The following LRRIQ1 variants were observed in gnomAD, a reference collection of about 807,000 sequenced individuals.
LRRIQ1 encodes the protein leucine rich repeats and IQ motif containing 1, also known as leucine-rich repeat- and IQ domain-containing protein 1.
LRRIQ1 carries 210 observed loss-of-function variants against 211.9 expected under a neutral mutation model. The observed-to-expected ratio is 0.99, with a 90% confidence interval of 0.89 to 1.11. The LOEUF is 1.11. Ranked by LOEUF, LRRIQ1 falls within the 50% of genes most tolerant of loss-of-function variation. The pLI is 0.00. For synonymous variants in LRRIQ1, 699 were observed against 650.1 expected, an observed-to-expected ratio of 1.08 and a Z score of -1.14; for missense variants, 2,136 against 1,939.5, an observed-to-expected ratio of 1.10 and a Z score of -1.90.
intron 11 of LRRIQ1, among the ~76,000 whole-genome samples, chr12:85,080,070 C>T (rs185850196): frequency 6.6e-6 from 1 of 152,144 alleles, no homozygotes; most frequent in East Asian, 1.9e-4. Flanking sequence ...TACACACGCG[C>T]ACACACGTAC....
At chr12:85,148,092 C>A (rs891134767) in intron 19 of LRRIQ1, among the ~76,000 whole-genome samples, 2 of 151,694 alleles carry the variant, frequency 1.3e-5, no homozygotes, top group African/African-American at 4.8e-5. Context: ...GATAATAATT[C>A]TCAAGTAGCT....
intron 11 of LRRIQ1, among the ~76,000 whole-genome samples, chr12:85,090,215 T>A (rs1885242360): frequency 6.6e-6 from 1 of 152,170 alleles, no homozygotes; most frequent in Non-Finnish European, 1.5e-5. Context: ...TATCAGAGGA[T>A]GTATGGAAAA....
intron 24 of LRRIQ1, among the ~76,000 whole-genome samples, chr12:85,197,008 G>C (rs1329990428): frequency 6.6e-6 from 1 of 150,766 alleles, no homozygotes; most frequent in African/African-American, 2.4e-5. Flanking sequence ...CCATCAAAAA[G>C]TGGGCGAAGG....
chr12:85,049,532 C>T (rs1487400825), intron 6 of LRRIQ1, among the ~76,000 whole-genome samples: 2 of 152,104 alleles, frequency 1.3e-5, no homozygotes, highest in African/African-American at 4.8e-5. Context: ...CTATCATCTT[C>T]CTCCTTTTTT....
At chr12:85,257,657 A>G (rs1202178723) in intron 1 of LRRIQ1, among the ~76,000 whole-genome samples, 2 of 151,810 alleles carry the variant, frequency 1.3e-5, no homozygotes, top group African/African-American at 2.4e-5. Flanking sequence ...GTAGTTATCA[A>G]TGGAAAGATG....
chr12:85,135,117 A>G (rs1239008191), intron 18 of LRRIQ1, among the ~76,000 whole-genome samples: 1 of 151,990 alleles, frequency 6.6e-6, no homozygotes, highest in Non-Finnish European at 1.5e-5. Context: ...AAACTTTTAT[A>G]TGTTAAGTCT....
intron 15 of LRRIQ1, among the ~76,000 whole-genome samples, chr12:85,112,097 A>G (rs1356003787): frequency 6.6e-6 from 1 of 152,022 alleles, no homozygotes; most frequent in Non-Finnish European, 1.5e-5. Context: ...CTAAAAAATG[A>G]TTTCTAAAAA....
At chr12:85,153,327 T>G (rs1303820239) in intron 21 of LRRIQ1, among the ~76,000 whole-genome samples, 182 bp downstream of exon 21, 2 of 151,542 alleles carry the variant, frequency 1.3e-5, no homozygotes, top group African/African-American at 4.8e-5. Context: ...ATGAAGTAGG[T>G]ACATTAAAGC....
rs149099698 is a variant in LRRIQ1 at position 85,214,452 on chromosome 12, A to G, written c.4823-15065A>G. Among the ~76,000 whole-genome samples the G allele has an allele frequency of 5.3e-5, 8 of 152,274 alleles. No individual in the cohort carries two copies. The East Asian group carries it at 1.4e-3, about 26-fold the overall frequency. On this transcript the variant is annotated intron_variant, in intron 24 of 26. Transcript: ENST00000393217. ...ACCATATCAAACACCACAACTTATT[A>G]TAAAACTGCATCATATAAGACAGTG...
intron 24 of LRRIQ1, among the ~76,000 whole-genome samples, chr12:85,198,971 G>C (rs1893158315): frequency 6.6e-6 from 1 of 152,016 alleles, no homozygotes; most frequent in African/African-American, 2.4e-5. Context: ...TGTTTGTTTT[G>C]TTCTTGTAAA....
intron 11 of LRRIQ1, among the ~76,000 whole-genome samples, chr12:85,083,353 T>C (rs1345915313): frequency 6.6e-6 from 1 of 152,164 alleles, no homozygotes; most frequent in Non-Finnish European, 1.5e-5. Context: ...CTAAAAAAGA[T>C]GACTTTTTAG....
At chr12:85,192,071 T>A (rs567720174) in intron 24 of LRRIQ1, among the ~76,000 whole-genome samples, 2 of 151,760 alleles carry the variant, frequency 1.3e-5, no homozygotes, top group Admixed American at 1.3e-4. Context: ...GGGGGGTTGT[T>A]TACAGATTAT....
intron 15 of LRRIQ1, among the ~76,000 whole-genome samples, chr12:85,119,781 ATCT>A (rs1292841022): frequency 7.2e-5 from 11 of 152,172 alleles, no homozygotes; most frequent in Non-Finnish European, 1.2e-4. Flanking sequence ...CATGCCGAAC[ATCT>A]TCTTATATGC....
intron 11 of LRRIQ1, among the ~76,000 whole-genome samples, chr12:85,080,742 T>C (rs958937277): frequency 6.6e-6 from 1 of 151,794 alleles, no homozygotes; most frequent in Non-Finnish European, 1.5e-5. Flanking sequence ...ATTTTAACTT[T>C]TATTTAACGT....
At chr12:85,110,963 C>T (rs1887129528) in intron 15 of LRRIQ1, among the ~76,000 whole-genome samples, 1 of 151,990 alleles carries the variant, frequency 6.6e-6, no homozygotes, top group African/African-American at 2.4e-5. Context: ...TTGTCATTCT[C>T]ATTTTAGAGA....
At chr12:85,170,889 T>A (rs1891384780) in intron 24 of LRRIQ1, among the ~76,000 whole-genome samples, 1 of 152,054 alleles carries the variant, frequency 6.6e-6, no homozygotes, top group Admixed American at 6.6e-5. Flanking sequence ...TGGAAATAGA[T>A]TTTTCACTAG....
intron 24 of LRRIQ1, among the ~76,000 whole-genome samples, chr12:85,216,185 T>C (rs781290649): frequency 6.6e-6 from 1 of 152,094 alleles, no homozygotes; most frequent in Non-Finnish European, 1.5e-5. Flanking sequence ...CCGCACCCCC[T>C]GACAGGCCCC....
intron 23 of LRRIQ1, among the ~76,000 whole-genome samples, chr12:85,158,880 T>TAACTG (rs1890707112): frequency 2.1e-5 from 3 of 142,110 alleles, no homozygotes; most frequent in African/African-American, 4.9e-5. Flanking sequence ...TTAACTGGGT[T>TAACTG]GTGTTTTTAT....
chr12:85,222,245 T>C (rs1363252427), intron 24 of LRRIQ1, among the ~76,000 whole-genome samples: 3 of 152,184 alleles, frequency 2.0e-5, no homozygotes, highest in East Asian at 1.9e-4. Flanking sequence ...AAGATGGCAA[T>C]TGAAGCATTT....
Sources: gnomAD v4.1 joint callset for allele counts (sites outside exome capture counted in the v4.1 genomes callset) on GRCh38, gnomAD v4.1.1 for gene constraint, MANE v1.5 for transcripts, NCBI Gene and HGNC (gene_info 2026-07-23, HGNC 2026-07-21) for gene names.